Variants in MGAT4C observed in about 807,000 individuals in gnomAD.
MGAT4C encodes the protein alpha-1,3-mannosyl-glycoprotein 4-beta-N-acetylglucosaminyltransferase C.
A neutral mutation model predicts 40.1 loss-of-function variants in MGAT4C; 19 were observed. The observed-to-expected ratio is 0.47, with a 90% CI of 0.33 to 0.70. The LOEUF is 0.70. MGAT4C is among the 30% of genes least tolerant of loss of function. MGAT4C has a pLI of 0.02. For synonymous variants in MGAT4C, 181 were observed against 187.1 expected (o/e 0.97, Z 0.27); for missense variants, 491 against 563.2 (o/e 0.87, Z 1.30).
Position 86,456,773 on chromosome 12 carries a change from C to T in MGAT4C, c.-228-21508G>A, listed in dbSNP as rs1460458670. ...GGAAACTTGAGAAAATTAGGTTGTC[C>T]CAGCTAAAAATGTACATTTTAAAAG... On this transcript the variant is annotated intron_variant, in intron 2 of 7. Coordinates refer to the MGAT4C transcript ENST00000548651. 2.6e-5 allele frequency among the ~76,000 whole-genome samples: 4 copies of T among 151,856 alleles called. No homozygotes were observed. In the East Asian group the frequency reaches 5.8e-4, roughly 22 times the overall value.
In MGAT4C at chr12:86,490,900, C is replaced by A. The variant is rs537003669; in HGVS notation, c.-228-55635G>T. On this transcript the variant is annotated intron_variant, in intron 2 of 7. Coordinates refer to the MGAT4C transcript ENST00000548651. The stretch of plus-strand genomic sequence containing the variant: ...TATATGCACTCAATACAGGAGCACC[C>A]AGATTCATAAAGCAAGTCCTGAGTG... Among the ~76,000 whole-genome samples, 504 of 152,204 alleles carry A rather than the reference C, an allele frequency of 3.3e-3. 2 individuals carry two copies. Among genetic ancestry groups the A allele is most frequent in the African/African-American group, 0.012 (484 of 41,528 alleles).
intron 1 of MGAT4C, among the ~76,000 whole-genome samples, chr12:86,082,082 A>G (rs1870937832): frequency 6.6e-6 from 1 of 152,160 alleles, no homozygotes; most frequent in Middle Eastern, 3.2e-3. Context: ...TTTCTGTTGG[A>G]AACACTGTGA....
chr12:86,328,929 C>T (rs565476891), intron 4 of MGAT4C, among the ~76,000 whole-genome samples: 2 of 151,524 alleles, frequency 1.3e-5, no homozygotes, highest in South Asian at 4.2e-4. Flanking sequence ...CATGGTAAAA[C>T]TTCATCTCTA....
intron 1 of MGAT4C, among the ~76,000 whole-genome samples, chr12:86,117,304 T>C (rs1280292949): frequency 6.6e-6 from 1 of 152,130 alleles, no homozygotes; most frequent in Non-Finnish European, 1.5e-5. Context: ...TAGGAAAATA[T>C]ATGTGAGAGT....
chr12:86,114,228 C>A (rs1484267178), intron 1 of MGAT4C, among the ~76,000 whole-genome samples: 1 of 151,796 alleles, frequency 6.6e-6, no homozygotes, highest in African/African-American at 2.4e-5. Flanking sequence ...CTGGCTTCTT[C>A]TTTTGGTATT....
chr12:86,689,091 T>A (rs1424368951), intron 2 of MGAT4C, among the ~76,000 whole-genome samples: 4 of 152,236 alleles, frequency 2.6e-5, no homozygotes, highest in Non-Finnish European at 5.9e-5. Context: ...TTTGTTAAGT[T>A]GATCTTCAAT....
intron 3 of MGAT4C, among the ~76,000 whole-genome samples, chr12:86,365,384 A>G (rs1331085378): frequency 6.6e-6 from 1 of 152,142 alleles, no homozygotes; most frequent in Non-Finnish European, 1.5e-5. Context: ...TAATGCAATC[A>G]TCACAGGGGC....
At chr12:86,765,939 C>A (rs1474714558) in intron 1 of MGAT4C, among the ~76,000 whole-genome samples, 1 of 152,130 alleles carries the variant, frequency 6.6e-6, no homozygotes, top group Non-Finnish European at 1.5e-5. Flanking sequence ...ACCATCAAGA[C>A]TAGGAAGAAA....
At chr12:86,533,751 C>T (rs1959023263) in intron 2 of MGAT4C, among the ~76,000 whole-genome samples, 1 of 151,670 alleles carries the variant, frequency 6.6e-6, no homozygotes, top group Admixed American at 6.6e-5. Flanking sequence ...ATGGACCCCC[C>T]TTTAGGCCAA....
chr12:86,825,993 A>G (rs1400082838), intron 1 of MGAT4C, among the ~76,000 whole-genome samples: 1 of 151,434 alleles, frequency 6.6e-6, no homozygotes, highest in Non-Finnish European at 1.5e-5. Context: ...AGCCTACTTC[A>G]GATCAATTGG....
intron 1 of MGAT4C, among the ~76,000 whole-genome samples, chr12:86,795,040 A>C (rs1952089461): frequency 6.6e-6 from 1 of 152,004 alleles, no homozygotes; most frequent in South Asian, 2.1e-4. Flanking sequence ...CATAATGTTC[A>C]ATTTTAAAAC....
intron 1 of MGAT4C, among the ~76,000 whole-genome samples, chr12:86,746,239 C>G (rs1951149597): frequency 1.3e-5 from 2 of 151,788 alleles, no homozygotes; most frequent in South Asian, 4.1e-4. Context: ...CTAGAAGGAT[C>G]CTTTTAAAGC....
intron 2 of MGAT4C, among the ~76,000 whole-genome samples, chr12:86,453,387 G>T (rs1957459094): frequency 1.3e-5 from 2 of 152,058 alleles, no homozygotes; most frequent in South Asian, 4.1e-4. Flanking sequence ...TTATTAAGTT[G>T]TTCTATTCCT....
rs576769344 is a variant in MGAT4C at position 86,472,612 on chromosome 12, T to C, written c.-228-37347A>G. Among the ~76,000 whole-genome samples the C allele has an allele frequency of 2.0e-5, 3 of 152,300 alleles. No homozygotes were observed. In the South Asian group the frequency reaches 6.2e-4, roughly 32 times the overall value. On this transcript the variant is annotated intron_variant, in intron 2 of 7. Transcript: ENST00000548651. ...ATCTTACTATTATAGATTTTTTTTCTTCTAGCTTAAAAGTTCCAAGTGTTC... is the reference window on the plus strand; with the variant it reads ...ATCTTACTATTATAGATTTTTTTTCCTCTAGCTTAAAAGTTCCAAGTGTTC...
chr12:86,680,813 A>C (rs1382610544), intron 2 of MGAT4C, among the ~76,000 whole-genome samples: 1 of 151,966 alleles, frequency 6.6e-6, no homozygotes, highest in Non-Finnish European at 1.5e-5. Flanking sequence ...TAATTTATAA[A>C]TTTAGGCTTC....
intron 3 of MGAT4C, among the ~76,000 whole-genome samples, chr12:86,421,691 C>T (rs1956829695): frequency 6.6e-6 from 1 of 152,100 alleles, no homozygotes; most frequent in South Asian, 2.1e-4. Flanking sequence ...GCAGGAGAAT[C>T]GCTTAAACCC....
At chr12:86,538,116 T>C (rs1463457430) in intron 2 of MGAT4C, among the ~76,000 whole-genome samples, 1 of 151,934 alleles carries the variant, frequency 6.6e-6, no homozygotes, top group Non-Finnish European at 1.5e-5. Flanking sequence ...AAATAAATAA[T>C]AAAAAATTTA....
chr12:86,481,654 C>T (rs1957939716), intron 2 of MGAT4C, among the ~76,000 whole-genome samples: 1 of 151,864 alleles, frequency 6.6e-6, no homozygotes, highest in Non-Finnish European at 1.5e-5. Flanking sequence ...CGCACACACA[C>T]ATAATAGAAT....
intron 4 of MGAT4C, among the ~76,000 whole-genome samples, chr12:86,290,498 T>C (rs541303192): frequency 6.6e-6 from 1 of 152,244 alleles, no homozygotes; most frequent in Admixed American, 6.5e-5. Context: ...TAAAGTGAGA[T>C]ATTGACAAAA....
Sources: gnomAD v4.1 joint callset for allele counts (sites outside exome capture counted in the v4.1 genomes callset) on GRCh38, gnomAD v4.1.1 for gene constraint, MANE v1.5 for transcripts, NCBI Gene and HGNC (gene_info 2026-07-23, HGNC 2026-07-21) for gene names.